The following SYTL2 variants were observed in gnomAD, a reference collection of about 807,000 sequenced individuals.
SYTL2 encodes synaptotagmin-like protein 2.
SYTL2 carries 165 observed loss-of-function variants against 198.7 expected under a neutral mutation model. The ratio of observed to expected loss-of-function variants is 0.83; its 90% CI spans 0.73 to 0.94. The LOEUF (loss-of-function observed/expected upper bound fraction) is 0.94. SYTL2 is among the 40% of genes least tolerant of loss of function. SYTL2 has a pLI of 0.00. For synonymous variants in SYTL2, 966 were observed against 917.7 expected, an observed-to-expected ratio of 1.05 and a Z score of -0.95; for missense variants, 2,835 against 2,582.8, an observed-to-expected ratio of 1.10 and a Z score of -2.12.
chr11:85,725,850 T>C lies in SYTL2; in HGVS notation c.3508A>G (p.Thr1170Ala). 6.2e-7 allele frequency: 1 copy of C among 1,613,906 alleles called. No homozygotes were observed. Among genetic ancestry groups the C allele is most frequent in the South Asian group, 1.1e-5 (1 of 90,950 alleles). Reference sequence around the variant, plus strand: ...GCAAAATCTGTTTTTTGAGGCCATGTCCTATTTTCAGAAACACTTGGTTCA... The same window carrying C: ...GCAAAATCTGTTTTTTGAGGCCATGCCCTATTTTCAGAAACACTTGGTTCA... ...VLEPSVSENR[T>A]WPQKTDFADT... The change falls in exon 8 of 20, where the codon ACA becomes GCA. Residue 1170 changes from threonine (T) to alanine (A), a missense_variant. Transcript: ENST00000359152.
chr11:85,748,536 T>C, intron 2 of SYTL2, 113 bp from the exon 3 acceptor site: 1 of 1,184,786 alleles, frequency 8.4e-7, no homozygotes. Context: ...AGCTTTAATA[T>C]TTCAGATGAT....
chr11:85,809,077 C>T (rs1169199447), intron 1 of SYTL2, among the ~76,000 whole-genome samples: 1 of 152,174 alleles, frequency 6.6e-6, no homozygotes, highest in Non-Finnish European at 1.5e-5. Flanking sequence ...GGAACCTGGG[C>T]TTCCCCTAGG....
intron 1 of SYTL2, among the ~76,000 whole-genome samples, chr11:85,774,170 A>C (rs558757314): frequency 6.6e-6 from 1 of 152,238 alleles, no homozygotes; most frequent in African/African-American, 2.4e-5. Flanking sequence ...AATTAATGCA[A>C]TTAATTGGTA....
the SYTL2 span, among the ~76,000 whole-genome samples, chr11:85,849,330 G>A: frequency 0.043 from 6,492 of 152,102 alleles, 260 homozygotes; most frequent in African/African-American, 0.11. Flanking sequence ...TTTTGTTGCC[G>A]TTGCTTTTGG....
At chr11:85,822,552 T>C in the SYTL2 span, among the ~76,000 whole-genome samples, 1 of 152,228 alleles carries the variant, frequency 6.6e-6, no homozygotes, top group Non-Finnish European at 1.5e-5. Context: ...CATCACTGTC[T>C]GGAAACTGCT....
intron 1 of SYTL2, among the ~76,000 whole-genome samples, chr11:85,778,696 T>C (rs2092502703): frequency 6.6e-6 from 1 of 152,210 alleles, no homozygotes; most frequent in East Asian, 1.9e-4. Context: ...AAAATAAGGC[T>C]GGGCGTGCAG....
At chr11:85,781,455 T>A (rs1441223324) in intron 1 of SYTL2, among the ~76,000 whole-genome samples, 1 of 151,996 alleles carries the variant, frequency 6.6e-6, no homozygotes, top group Admixed American at 6.6e-5. Flanking sequence ...CCCTGGCCCC[T>A]CCAAAATCTC....
At chr11:85,799,209 T>C (rs561410190) in intron 1 of SYTL2, among the ~76,000 whole-genome samples, 1 of 152,298 alleles carries the variant, frequency 6.6e-6, no homozygotes, top group East Asian at 1.9e-4. Flanking sequence ...ATCTCAGCCT[T>C]CTGGGCTTTG....
intron 1 of SYTL2, among the ~76,000 whole-genome samples, chr11:85,794,661 G>A (rs1010141736): frequency 4.6e-5 from 7 of 152,030 alleles, no homozygotes; most frequent in African/African-American, 1.7e-4. Context: ...CTACTTGCTT[G>A]GGCTTGATTT....
At chr11:85,769,721 C>T (rs1037370821) in intron 1 of SYTL2, among the ~76,000 whole-genome samples, 2 of 152,102 alleles carry the variant, frequency 1.3e-5, no homozygotes, top group Non-Finnish European at 2.9e-5. Context: ...AAGAAGAGAC[C>T]CAAAGCCTGC....
intron 4 of SYTL2, among the ~76,000 whole-genome samples, chr11:85,742,595 C>T (rs924770627): frequency 3.3e-5 from 5 of 152,216 alleles, no homozygotes; most frequent in African/African-American, 1.2e-4. Flanking sequence ...AGGCTATGTG[C>T]TGAAGAACTA....
the SYTL2 span, among the ~76,000 whole-genome samples, chr11:85,844,307 C>T: frequency 2.0e-5 from 3 of 152,170 alleles, no homozygotes; most frequent in Non-Finnish European, 4.4e-5. Flanking sequence ...GTCCTCAAAA[C>T]CATATGAAGC....
At chr11:85,782,403 G>C (rs776241907) in intron 1 of SYTL2, among the ~76,000 whole-genome samples, 4 of 152,244 alleles carry the variant, frequency 2.6e-5, no homozygotes, top group Middle Eastern at 6.8e-3. Context: ...TGTGATGGGT[G>C]GGGGGGCTGC....
At chr11:85,711,552 T>C (rs1010516367) in intron 12 of SYTL2, among the ~76,000 whole-genome samples, 31 of 152,322 alleles carry the variant, frequency 2.0e-4, no homozygotes, top group Non-Finnish European at 3.8e-4. Context: ...TATATATTTA[T>C]TTGCCTGGGG....
At chr11:85,718,657 A>T in intron 10 of SYTL2, 133 bp downstream of exon 10, 1 of 714,826 alleles carries the variant, frequency 1.4e-6, no homozygotes, top group South Asian at 1.8e-5. Context: ...GTTTTATAGT[A>T]ACTTAGGCAC....
intron 2 of SYTL2, among the ~76,000 whole-genome samples, chr11:85,749,490 A>C (rs1313254517): frequency 2.0e-5 from 3 of 152,222 alleles, no homozygotes; most frequent in Non-Finnish European, 4.4e-5. Flanking sequence ...GCACACAGGC[A>C]TACCTGGGAG....
At chr11:85,734,767 A>T (rs1351015447) in intron 6 of SYTL2, 25 bp from the exon 7 acceptor site, 2 of 1,518,490 alleles carry the variant, frequency 1.3e-6, no homozygotes, top group African/African-American at 1.4e-5. Flanking sequence ...ACAGTAGGTG[A>T]TATATCATAT....
At chr11:85,786,334 G>C (rs2092635336) in intron 1 of SYTL2, among the ~76,000 whole-genome samples, 1 of 152,124 alleles carries the variant, frequency 6.6e-6, no homozygotes, top group African/African-American at 2.4e-5. Context: ...GTCAGTATCT[G>C]GCCAGTGATG....
At position 85,788,022 on chromosome 11, in the gene SYTL2, T is replaced by G. The variant is rs2153615350; in HGVS notation, c.-390+22932A>C. ...TGTGTCACCGGGTCATGAGTAGTTA[T>G]CTGAGAAATACTTTACACATGGGTG... On this transcript the variant is annotated intron_variant, in intron 1 of 19. Coordinates refer to ENST00000359152, the MANE Select transcript of SYTL2 (RefSeq NM_206927.4). Among the ~76,000 whole-genome samples the G allele has an allele frequency of 1.3e-5, 2 of 152,316 alleles. 1 individual carries two copies. Among genetic ancestry groups the G allele is most frequent in the Non-Finnish European group, 2.9e-5 (2 of 68,032 alleles).
Sources: gnomAD v4.1 joint callset for allele counts (sites outside exome capture counted in the v4.1 genomes callset) on GRCh38, gnomAD v4.1.1 for gene constraint, MANE v1.5 for transcripts, NCBI Gene and HGNC (gene_info 2026-07-23, HGNC 2026-07-21) for gene names.